CYP4X1: variants seen among roughly 807,000 people sequenced by gnomAD.
The protein encoded by CYP4X1 is cytochrome P450 4X1.
CYP4X1 carries 44 observed loss-of-function variants against 57.9 expected under a neutral mutation model. The observed-to-expected ratio is 0.76, with a 90% confidence interval of 0.60 to 0.98. CYP4X1 has a LOEUF of 0.98. CYP4X1 is among the 50% of genes least tolerant of loss of function. The probability of loss-of-function intolerance (pLI) is 0.00; values close to 1 mark genes in which losing one functional copy is unlikely to be tolerated. For missense variants in CYP4X1, 532 were observed against 623.9 expected (o/e 0.85, Z 1.57); for synonymous variants, 227 against 228.6 (o/e 0.99, Z 0.06).
the CYP4X1 span, among the ~76,000 whole-genome samples, chr1:46,987,352 C>T: frequency 6.6e-6 from 1 of 152,108 alleles, no homozygotes; most frequent in Non-Finnish European, 1.5e-5. Context: ...AATATATATG[C>T]ACCCAATACA....
At chr1:47,037,013 T>C (rs1007362303) in intron 6 of CYP4X1, among the ~76,000 whole-genome samples, 3 of 152,186 alleles carry the variant, frequency 2.0e-5, no homozygotes, top group Non-Finnish European at 4.4e-5. Flanking sequence ...AAGCAGGTTA[T>C]AAACAATTTA....
At chr1:46,964,324 T>C in the CYP4X1 span, among the ~76,000 whole-genome samples, 1 of 152,226 alleles carries the variant, frequency 6.6e-6, no homozygotes, top group Non-Finnish European at 1.5e-5. Flanking sequence ...GCTCGATTTT[T>C]AGAGTTTCCA....
At chr1:47,033,487 G>A (rs111473794) in intron 4 of CYP4X1, 119 bp downstream of exon 4, 8 of 1,303,598 alleles carry the variant, frequency 6.1e-6, no homozygotes, top group Non-Finnish European at 7.3e-6. Context: ...TTTAACCAAT[G>A]TACACGTACT....
chr1:47,045,900 C>T (rs1387755423), intron 8 of CYP4X1, among the ~76,000 whole-genome samples: 1 of 152,182 alleles, frequency 6.6e-6, no homozygotes, highest in Non-Finnish European at 1.5e-5. Flanking sequence ...GACACAGTTG[C>T]ACATCCTTGC....
the CYP4X1 span, among the ~76,000 whole-genome samples, chr1:47,009,877 T>A: frequency 2.0e-5 from 3 of 152,190 alleles, no homozygotes; most frequent in Non-Finnish European, 4.4e-5. Flanking sequence ...GGTGAATGTC[T>A]GAATAGACCA....
At chr1:47,024,588 C>G (rs1339604870) in intron 1 of CYP4X1, among the ~76,000 whole-genome samples, 1 of 152,178 alleles carries the variant, frequency 6.6e-6, no homozygotes, top group Non-Finnish European at 1.5e-5. Flanking sequence ...ATTCAACCGA[C>G]TCTGAGTGGC....
chr1:47,016,907 G>A, the CYP4X1 span, among the ~76,000 whole-genome samples: 1 of 152,054 alleles, frequency 6.6e-6, no homozygotes, highest in South Asian at 2.1e-4. Context: ...ATCTCCATGA[G>A]TTCCATTGTT....
At chr1:47,024,306 GCC>G (rs1461733461) in intron 1 of CYP4X1, among the ~76,000 whole-genome samples, 5 of 152,328 alleles carry the variant, frequency 3.3e-5, no homozygotes, top group African/African-American at 1.2e-4. Context: ...GCTTCACCAA[GCC>G]TTCCACATGT....
chr1:47,035,786 G>T lies in CYP4X1; in HGVS notation c.493-20G>T. 1 of 1,606,820 alleles carries T rather than the reference G, an allele frequency of 6.2e-7. No homozygotes were observed. Among genetic ancestry groups the T allele is most frequent in the Non-Finnish European group, 8.5e-7 (1 of 1,176,532 alleles). On this transcript the variant is annotated intron_variant, in intron 4 of 11. Transcript: ENST00000371901. ...GGTCATGGTGGTGGTGATGATGTTG[G>T]TCTTGACCTCCTGTGCCAGGATAAG...
chr1:47,015,858 T>C, the CYP4X1 span, among the ~76,000 whole-genome samples: 1 of 152,214 alleles, frequency 6.6e-6, no homozygotes, highest in African/African-American at 2.4e-5. Context: ...CCCGGCCACG[T>C]GTTTTCTCTC....
chr1:46,995,139 C>T, the CYP4X1 span, among the ~76,000 whole-genome samples: 1 of 152,200 alleles, frequency 6.6e-6, no homozygotes, highest in African/African-American at 2.4e-5. Flanking sequence ...AGCCTCAAGC[C>T]TCAGGCTCAC....
chr1:46,964,323 T>C, the CYP4X1 span, among the ~76,000 whole-genome samples: 1 of 152,208 alleles, frequency 6.6e-6, no homozygotes, highest in Non-Finnish European at 1.5e-5. Flanking sequence ...CGCTCGATTT[T>C]TAGAGTTTCC....
chr1:46,998,675 TAA>T, the CYP4X1 span, among the ~76,000 whole-genome samples: 2 of 152,192 alleles, frequency 1.3e-5, no homozygotes, highest in Non-Finnish European at 2.9e-5. Flanking sequence ...GAGTATTTCC[TAA>T]GTTTTCTTCT....
At chr1:46,991,531 T>C in the CYP4X1 span, among the ~76,000 whole-genome samples, 1 of 152,222 alleles carries the variant, frequency 6.6e-6, no homozygotes, top group African/African-American at 2.4e-5. Flanking sequence ...TAAAGCACCC[T>C]TGTTTGATTA....
At chr1:47,009,722 AGGG>A in the CYP4X1 span, among the ~76,000 whole-genome samples, 2 of 152,208 alleles carry the variant, frequency 1.3e-5, no homozygotes, top group Non-Finnish European at 2.9e-5. Context: ...AAAGTGATAA[AGGG>A]GATATCACCA....
upstream of CYP4X1, among the ~76,000 whole-genome samples, chr1:47,022,657 A>G (rs1644011411): frequency 1.3e-5 from 2 of 152,110 alleles, no homozygotes; most frequent in South Asian, 2.1e-4. Flanking sequence ...GCGTAGGCTT[A>G]AGGAATTGGG....
intron 8 of CYP4X1, among the ~76,000 whole-genome samples, chr1:47,042,357 T>TAA (rs1644256387): frequency 6.6e-6 from 1 of 151,816 alleles, no homozygotes; most frequent in African/African-American, 2.4e-5. Flanking sequence ...AATCTTTGGG[T>TAA]AGTATGGATA....
chr1:46,977,511 G>A, the CYP4X1 span, among the ~76,000 whole-genome samples: 463 of 152,214 alleles, frequency 3.0e-3, 1 homozygote, highest in Non-Finnish European at 4.6e-3. Context: ...TGGTGTACTC[G>A]AAAGTGACCG....
intron 3 of CYP4X1, 24 bp downstream of exon 3, chr1:47,031,504 A>G (rs753338348): frequency 1.9e-6 from 3 of 1,611,534 alleles, no homozygotes; most frequent in East Asian, 2.2e-5. Flanking sequence ...AATGAGAGGT[A>G]TAACCCACTC....
Sources: allele counts gnomAD v4.1 joint callset (sites outside exome capture counted in the v4.1 genomes callset), GRCh38; gene constraint gnomAD v4.1.1; transcripts MANE v1.5; gene names NCBI Gene and HGNC (gene_info 2026-07-23, HGNC 2026-07-21).